The following PCDHGA3 variants were observed in gnomAD, a reference collection of about 807,000 sequenced individuals.
The protein encoded by PCDHGA3 is protocadherin gamma subfamily A, 3.
A neutral mutation model predicts 58.5 loss-of-function variants in PCDHGA3; 40 were observed. The observed-to-expected ratio is 0.68, with a 90% CI of 0.53 to 0.89. PCDHGA3 has a LOEUF of 0.89. Among genes scored for constraint, PCDHGA3 ranks in the 40% least tolerant of loss-of-function variants. The pLI, the probability that PCDHGA3 is intolerant of heterozygous loss-of-function variation, is 0.00. For missense variants in PCDHGA3, 1,223 were observed against 1,195.9 expected (o/e 1.02, Z -0.33); for synonymous variants, 530 against 525.7 (o/e 1.01, Z -0.11).
intron 1 of PCDHGA3, among the ~76,000 whole-genome samples, chr5:141,456,379 C>A (rs181915740): frequency 1.3e-5 from 2 of 152,162 alleles, no homozygotes; most frequent in East Asian, 3.9e-4. Context: ...GTTTACAGCA[C>A]CGTTTGGAGT....
At position 141,485,565 on chromosome 5, in the gene PCDHGA3, C is replaced by T. The variant is rs1213821989; in HGVS notation, c.2425-9242C>T. The T allele has an allele frequency of 2.5e-6, 4 of 1,612,946 alleles. No homozygotes were observed. Among genetic ancestry groups the T allele is most frequent in the Non-Finnish European group, 2.5e-6 (3 of 1,179,042 alleles). On this transcript the variant is annotated intron_variant, in intron 1 of 3. Coordinates refer to ENST00000253812, the MANE Select transcript of PCDHGA3 (RefSeq NM_018916.4). The surrounding 1 kb of genome is among the most constrained non-coding windows in gnomAD (Gnocchi z 5.7). ...ATCGTAGATGTGAATGATCACGCCCCCCGTTTTCCGCGGCAGCAGCTGGAC... is the reference window on the plus strand; with the variant it reads ...ATCGTAGATGTGAATGATCACGCCCTCCGTTTTCCGCGGCAGCAGCTGGAC...
rs559975786 is a variant in PCDHGA3, at chr5:141,406,591, A to G, written c.2424+60134A>G. Among the ~76,000 whole-genome samples, 5 of 152,282 alleles carry G rather than the reference A, an allele frequency of 3.3e-5. No homozygotes were observed. The East Asian group carries it at 9.6e-4, about 29-fold the overall frequency. On this transcript the variant is annotated intron_variant, in intron 1 of 3. Transcript: ENST00000253812. ...CTAGTAAACCAATTTTTTCCCTTTAATGGTGAAAGTTGTCACATCTTTTAT... is the reference window on the plus strand; with the variant it reads ...CTAGTAAACCAATTTTTTCCCTTTAGTGGTGAAAGTTGTCACATCTTTTAT...
intron 1 of PCDHGA3, chr5:141,393,544 A>T: frequency 6.2e-7 from 1 of 1,613,800 alleles, no homozygotes; most frequent in East Asian, 2.2e-5. Context: ...GTTTTTCCTC[A>T]CCCGATTTAC....
At chr5:141,407,898 A>G in intron 1 of PCDHGA3, 1 of 407,470 alleles carries the variant, frequency 2.5e-6, no homozygotes, top group Non-Finnish European at 4.3e-6. Context: ...CGAATTCAAA[A>G]TGAAAAACCG....
chr5:141,445,608 C>T (rs2098472204), intron 1 of PCDHGA3, among the ~76,000 whole-genome samples: 1 of 152,108 alleles, frequency 6.6e-6, no homozygotes, highest in South Asian at 2.1e-4. Context: ...TCAAGGAAGG[C>T]TTTCTTTTTT....
chr5:141,356,796 G>A (rs1760345671), intron 1 of PCDHGA3: 2 of 1,614,028 alleles, frequency 1.2e-6, no homozygotes, highest in Non-Finnish European at 8.5e-7. Context: ...AGCTGCTGAT[G>A]ACAGCCAGTG....
intron 1 of PCDHGA3, among the ~76,000 whole-genome samples, chr5:141,450,006 C>CTATTTTTTTTTT (rs70988802): frequency 7.5e-6 from 1 of 132,986 alleles, no homozygotes. Context: ...TGCCATGTCT[C>CTATTTTTTTTTT]TTTTTTTTTT....
At chr5:141,461,170 G>T (rs1347666737) in intron 1 of PCDHGA3, among the ~76,000 whole-genome samples, 1 of 152,052 alleles carries the variant, frequency 6.6e-6, no homozygotes. Context: ...GGGATTGCTG[G>T]ATTGAATGGT....
intron 1 of PCDHGA3, among the ~76,000 whole-genome samples, chr5:141,458,890 C>A (rs369529373): frequency 2.0e-5 from 3 of 152,042 alleles, no homozygotes; most frequent in African/African-American, 7.2e-5. Flanking sequence ...GCACACCATG[C>A]GCAGCTAATT....
At chr5:141,461,394 G>A (rs2099014614) in intron 1 of PCDHGA3, among the ~76,000 whole-genome samples, 1 of 152,098 alleles carries the variant, frequency 6.6e-6, no homozygotes. Flanking sequence ...GATTAGCGAT[G>A]TTGAGCATTT....
intron 1 of PCDHGA3, among the ~76,000 whole-genome samples, chr5:141,468,088 G>T (rs186503104): frequency 6.6e-6 from 1 of 152,186 alleles, no homozygotes; most frequent in East Asian, 1.9e-4. Context: ...ACTTTGGGAG[G>T]TTGAGGCAGG....
intron 2 of PCDHGA3, among the ~76,000 whole-genome samples, chr5:141,495,902 C>T (rs749735668): frequency 2.6e-5 from 4 of 152,120 alleles, no homozygotes; most frequent in Non-Finnish European, 2.9e-5. Context: ...TTGTCTCTGT[C>T]TCTGTATATC....
At chr5:141,408,967 G>GC in intron 1 of PCDHGA3, 2 of 1,613,782 alleles carry the variant, frequency 1.2e-6, no homozygotes, top group Non-Finnish European at 1.7e-6. Context: ...GTGAAAATCT[G>GC]CCCCCTGGGT....
chr5:141,343,952 T>C lies in PCDHGA3; in HGVS notation c.-82T>C. ...CCTGTGAATTAGGCCCGTAAAAGAC[T>C]TCGTTTCTTGAGAAAATAAGATTGG... On this transcript the variant is annotated 5_prime_UTR_variant, in exon 1 of 4. Transcript: ENST00000253812. The C allele has an allele frequency of 7.6e-7, 1 of 1,324,366 alleles. No homozygotes were observed. The allele number at this position is 1,324,366 out of a possible 1,614,324, so 82.0% of individuals were successfully genotyped here.
intron 1 of PCDHGA3, among the ~76,000 whole-genome samples, chr5:141,359,701 T>C (rs1588542297): frequency 1.3e-5 from 2 of 152,140 alleles, no homozygotes; most frequent in African/African-American, 2.4e-5. Context: ...TCCGGAAGGA[T>C]ACCTAAGAAA....
intron 1 of PCDHGA3, chr5:141,420,202 C>G: frequency 1.2e-6 from 2 of 1,613,256 alleles, no homozygotes; most frequent in Non-Finnish European, 1.7e-6. Context: ...AAGATAACCT[C>G]AACAAAGATA....
chr5:141,489,174 C>A lies in PCDHGA3; in HGVS notation c.2425-5633C>A. On this transcript the variant is annotated intron_variant, in intron 1 of 3. Coordinates refer to ENST00000253812, the MANE Select transcript of PCDHGA3 (RefSeq NM_018916.4). The surrounding 1 kb of genome is among the most constrained non-coding windows in gnomAD (Gnocchi z 4.5). ...ATAAGAGACTTCAGCTGCTGCATTC[C>A]AAGCCCTGGGTCTACCTTGGAGACA... The A allele has an allele frequency of 8.2e-7, 1 of 1,224,772 alleles. No individual in the cohort carries two copies. 75.9% of individuals were successfully genotyped at this position (1,224,772 alleles called of 1,614,324 possible).
rs753702657 is a variant in PCDHGA3 at position 141,415,195 on chromosome 5, C to G, written c.2424+68738C>G. ...CGTGGCCGTGGCCGACAGCATCCCC[C>G]AAGTCCTGGCGGACCTCGGCAGCTT... On this transcript the variant is annotated intron_variant, in intron 1 of 3. Transcript: ENST00000253812. 5 of 1,614,058 alleles carry G rather than the reference C, an allele frequency of 3.1e-6. No individual in the cohort carries two copies. The highest frequency in any genetic ancestry group is 1.1e-5 in the South Asian group (1 of 91,090).
At chr5:141,372,656 G>A in intron 1 of PCDHGA3, 1 of 1,613,956 alleles carries the variant, frequency 6.2e-7, no homozygotes, top group Non-Finnish European at 8.5e-7. Flanking sequence ...CCTACAATCC[G>A]TGTGCTGCCT....
Sources: allele counts gnomAD v4.1 joint callset (sites outside exome capture counted in the v4.1 genomes callset), GRCh38; gene constraint gnomAD v4.1.1; non-coding constraint Gnocchi (gnomAD v3.1); transcripts MANE v1.5; gene names NCBI Gene and HGNC (gene_info 2026-07-23, HGNC 2026-07-21).